CCDC85C: variants seen among roughly 807,000 people sequenced by gnomAD.
CCDC85C encodes coiled-coil domain-containing protein 85C.
Under a neutral mutation model 38.3 loss-of-function variants are expected in CCDC85C, and 18 were observed. The observed-to-expected ratio is 0.47, with a 90% CI of 0.33 to 0.70. The LOEUF (loss-of-function observed/expected upper bound fraction) is 0.70, where lower values mean the gene tolerates loss of function less well. CCDC85C is among the 30% of genes least tolerant of loss of function. CCDC85C has a pLI of 0.03. For synonymous variants in CCDC85C, 264 were observed against 293.8 expected (o/e 0.90, Z 1.04); for missense variants, 566 against 621.2 (o/e 0.91, Z 0.94).
At chr14:99,602,175 G>A (rs2055205906) in intron 1 of CCDC85C, among the ~76,000 whole-genome samples, 2 of 152,204 alleles carry the variant, frequency 1.3e-5, no homozygotes. Context: ...AGAACAGGGA[G>A]GCCCCGGATC....
In CCDC85C at chr14:99,588,718, A is replaced by C. The variant is rs2055053053; in HGVS notation, c.793+14449T>G. ...ACTTGGAAGGTGGTCCTGAAGTAAG[A>C]AACCAGGCCACTGCAGGTCTTCAAA... is the stretch of plus-strand genomic sequence containing the variant. On this transcript the variant is annotated intron_variant, in intron 1 of 5. Coordinates refer to ENST00000380243, the MANE Select transcript of CCDC85C (RefSeq NM_001144995.2). The surrounding 1 kb of genome is among the most constrained non-coding windows in gnomAD (Gnocchi z 5.0). Among the ~76,000 whole-genome samples the C allele has an allele frequency of 6.6e-6, 1 of 151,898 alleles. No individual in the cohort carries two copies. Among genetic ancestry groups the C allele is most frequent in the Non-Finnish European group, 1.5e-5 (1 of 68,004 alleles).
At chr14:99,567,309 C>T (rs1898235067) in intron 1 of CCDC85C, among the ~76,000 whole-genome samples, 1 of 152,214 alleles carries the variant, frequency 6.6e-6, no homozygotes, top group South Asian at 2.1e-4. Flanking sequence ...CACAGGAACA[C>T]AGCAGATGGG....
Position 99,501,581 on chromosome 14 carries a change from C to A in CCDC85C, c.*13665G>T, listed in dbSNP as rs1489689996. On this transcript the variant is annotated 3_prime_UTR_variant, in exon 6 of 6. Transcript: ENST00000380243. ...GCTGACGTCCAGGTCATCTGCTTCC[C>A]GGCAGAGGGTTTCCTTCTGCCCTGC... 1.7e-5 allele frequency: 10 copies of A among 584,004 alleles called. No homozygotes were observed. The highest frequency in any genetic ancestry group is 9.6e-5 in the Admixed American group (3 of 31,234). 36.2% of individuals were successfully genotyped at this position (584,004 alleles called of 1,614,324 possible). A position where few individuals can be genotyped will look rare whatever the true frequency, so the allele number is the denominator to read the frequency against.
chr14:99,585,393 G>A (rs776754315), intron 1 of CCDC85C, among the ~76,000 whole-genome samples: 11 of 152,202 alleles, frequency 7.2e-5, no homozygotes, highest in Non-Finnish European at 1.5e-4. Context: ...CCCAGAGCCA[G>A]AGTGTAGGGT....
intron 2 of CCDC85C, among the ~76,000 whole-genome samples, chr14:99,528,794 G>C (rs1490951533): frequency 7.2e-5 from 11 of 152,166 alleles, no homozygotes; most frequent in Non-Finnish European, 1.6e-4. Flanking sequence ...TTAATTTTGA[G>C]AGAACTCATT....
chr14:99,540,852 G>A (rs752507740), intron 1 of CCDC85C, among the ~76,000 whole-genome samples: 1 of 152,170 alleles, frequency 6.6e-6, no homozygotes. Flanking sequence ...GAGTCACAGA[G>A]CCTGCAGGTC....
At chr14:99,602,981 C>T (rs1445822268) in intron 1 of CCDC85C, among the ~76,000 whole-genome samples, 186 bp downstream of exon 1, 1 of 152,202 alleles carries the variant, frequency 6.6e-6, no homozygotes, top group Admixed American at 6.5e-5. Flanking sequence ...TGAACCGGCC[C>T]ACCACCGCCC....
chr14:99,532,103 T>C (rs1897505271), intron 2 of CCDC85C, among the ~76,000 whole-genome samples: 1 of 152,154 alleles, frequency 6.6e-6, no homozygotes, highest in Non-Finnish European at 1.5e-5. Flanking sequence ...CCTGCAGCCC[T>C]GTCCTGGAGA....
chr14:99,567,011 C>T (rs898366107), intron 1 of CCDC85C, among the ~76,000 whole-genome samples: 7 of 152,202 alleles, frequency 4.6e-5, no homozygotes, highest in Admixed American at 2.6e-4. Context: ...AGGGCCCGAA[C>T]CCCTCTGCCC....
chr14:99,591,374 C>T (rs1490414790), intron 1 of CCDC85C, among the ~76,000 whole-genome samples: 1 of 152,234 alleles, frequency 6.6e-6, no homozygotes, highest in East Asian at 1.9e-4. Flanking sequence ...TGTGGGCAGG[C>T]CTTGCACCTA....
chr14:99,575,425 C>T (rs1595095918), intron 1 of CCDC85C, among the ~76,000 whole-genome samples: 2 of 152,334 alleles, frequency 1.3e-5, no homozygotes, highest in East Asian at 3.9e-4. Context: ...TCACCCCCTT[C>T]TGTTGGTAAC....
chr14:99,521,385 C>T (rs1273988125), intron 3 of CCDC85C, among the ~76,000 whole-genome samples: 5 of 152,218 alleles, frequency 3.3e-5, no homozygotes, highest in Non-Finnish European at 5.9e-5. Flanking sequence ...AGCTCTGCAC[C>T]GGGGGCCTGG....
intron 2 of CCDC85C, 103 bp from the exon 3 acceptor site, chr14:99,522,343 G>C (rs983664879): frequency 2.5e-6 from 2 of 803,202 alleles, no homozygotes; most frequent in Non-Finnish European, 3.9e-6. Flanking sequence ...TCAAAGGCAC[G>C]GCCCCGGAGG....
In CCDC85C at chr14:99,516,375, C is replaced by T; in HGVS notation, c.1072-89G>A. On this transcript the variant is annotated intron_variant, in intron 4 of 5. Coordinates refer to ENST00000380243, the MANE Select transcript of CCDC85C (RefSeq NM_001144995.2). This position sits in a 1 kb window ranked among gnomAD's most constrained non-coding sequence, Gnocchi z 5.5. ...GGCCCCTGATCCTCAGCCTCCCCTG[C>T]TGCGAACCAAAGCTGAGGACCCTGA... The T allele has an allele frequency of 2.1e-6, 2 of 975,512 alleles. No individual in the cohort carries two copies. The highest frequency in any genetic ancestry group is 3.2e-6 in the Non-Finnish European group (2 of 633,386). The allele number at this position is 975,512 out of a possible 1,614,324, so 60.4% of individuals were successfully genotyped here.
At chr14:99,515,402 G>T in intron 5 of CCDC85C, 67 bp from the exon 6 acceptor site, 1 of 1,194,246 alleles carries the variant, frequency 8.4e-7, no homozygotes, top group Non-Finnish European at 1.2e-6. Flanking sequence ...ATGCACATCC[G>T]CCGCCTCATC....
At chr14:99,534,270 G>A (rs1403086891) in intron 2 of CCDC85C, among the ~76,000 whole-genome samples, 1 of 151,954 alleles carries the variant, frequency 6.6e-6, no homozygotes, top group Non-Finnish European at 1.5e-5. Flanking sequence ...CAGGAGAATT[G>A]CTTGAACCCG....
rs746411687 is a variant in CCDC85C at position 99,502,184 on chromosome 14, C to CTTTTTTTTT, written c.*13053_*13061dup. ...TAAATATTAGATCATATTATCTAAC[C>CTTTTTTTTT]TTTTTTTTTCTTGTTGAACTAGTCT... On this transcript the variant is annotated 3_prime_UTR_variant, in exon 6 of 6. Coordinates refer to ENST00000380243, the MANE Select transcript of CCDC85C (RefSeq NM_001144995.2). 3 of 1,532,400 alleles carry CTTTTTTTTT rather than the reference C, an allele frequency of 2.0e-6. No individual in the cohort carries two copies. The highest frequency in any genetic ancestry group is 2.6e-6 in the Non-Finnish European group (3 of 1,134,700). 94.9% of individuals were successfully genotyped at this position (1,532,400 alleles called of 1,614,324 possible).
chr14:99,568,558 C>T (rs940964481), intron 1 of CCDC85C, among the ~76,000 whole-genome samples: 32 of 152,260 alleles, frequency 2.1e-4, no homozygotes, highest in Admixed American at 1.3e-3. Flanking sequence ...TGCATGACGA[C>T]CTGAGGACCC....
intron 3 of CCDC85C, among the ~76,000 whole-genome samples, 162 bp downstream of exon 3, chr14:99,521,971 C>T (rs911745940): frequency 1.3e-5 from 2 of 152,248 alleles, no homozygotes; most frequent in Non-Finnish European, 2.9e-5. Flanking sequence ...ACCTGGGGCT[C>T]CGCCTCTAAC....
Sources: gnomAD v4.1 joint callset for allele counts (sites outside exome capture counted in the v4.1 genomes callset) on GRCh38, gnomAD v4.1.1 for gene constraint, Gnocchi (gnomAD v3.1) non-coding constraint, MANE v1.5 for transcripts, NCBI Gene and HGNC (gene_info 2026-07-23, HGNC 2026-07-21) for gene names.